Variants in GOLGA5 observed in about 807,000 individuals in gnomAD.
GOLGA5 encodes the protein golgin A5.
Under a neutral mutation model 93.5 loss-of-function variants are expected in GOLGA5, and 50 were observed. The observed-to-expected ratio is 0.53, with a 90% CI of 0.43 to 0.68. GOLGA5 has a LOEUF of 0.68. GOLGA5 is among the 30% of genes least tolerant of loss of function. The probability of loss-of-function intolerance (pLI) is 0.00; values close to 1 mark genes in which losing one functional copy is unlikely to be tolerated. For synonymous variants in GOLGA5, 312 were observed against 304.5 expected, an observed-to-expected ratio of 1.02 and a Z score of -0.26; for missense variants, 760 against 856.4, an observed-to-expected ratio of 0.89 and a Z score of 1.40.
At chr14:92,812,120 C>G (rs748096240) in intron 6 of GOLGA5, among the ~76,000 whole-genome samples, 9 of 152,174 alleles carry the variant, frequency 5.9e-5, no homozygotes, top group African/African-American at 1.7e-4. Context: ...TCTCACCCAG[C>G]TTTTTTTCCC....
chr14:92,809,092 C>G (rs775365291), intron 3 of GOLGA5, among the ~76,000 whole-genome samples: 14 of 152,242 alleles, frequency 9.2e-5, no homozygotes, highest in Non-Finnish European at 1.9e-4. Flanking sequence ...AGCTTCACGC[C>G]CCTTTCTAAT....
chr14:92,815,789 C>T (rs1215946502), intron 6 of GOLGA5, among the ~76,000 whole-genome samples: 2 of 150,394 alleles, frequency 1.3e-5, no homozygotes, highest in Non-Finnish European at 3.0e-5. Flanking sequence ...CTGCAAGCTC[C>T]GCCTCCCGGG....
chr14:92,797,853 A>G lies in GOLGA5; in HGVS notation c.416A>G (p.Glu139Gly). The change falls in exon 2 of 13, where the codon GAA becomes GGA. Residue 139 changes from glutamate to glycine, a missense_variant. Physicochemically the swap from Glu to Gly is moderately conservative, Grantham distance 98 (BLOSUM62 -2). Coordinates refer to ENST00000163416, the MANE Select transcript of GOLGA5 (RefSeq NM_005113.4). ...CAGAAGGAGCCTACCGGGAGGGTGG[A>G]AATCAGAAAGGAAAAAGGCAAGACA... ...SSQKEPTGRV[E>G]IRKEKGKTPV... 1 of 1,614,062 alleles carries G rather than the reference A, an allele frequency of 6.2e-7. No homozygotes were observed. Among genetic ancestry groups the G allele is most frequent in the Non-Finnish European group, 8.5e-7 (1 of 1,179,912 alleles).
rs553333516 is a variant in GOLGA5, at chr14:92,811,563, G to A, written c.1129G>A (p.Ala377Thr). ...SYKQMQSEFAARLNKVEMERQ... is the reference protein window; with the variant it reads ...SYKQMQSEFATRLNKVEMERQ... The stretch of plus-strand genomic sequence containing the variant: ...AAATTTGTCACAGAGCGAGTTTGCT[G>A]CACGCCTTAATAAAGTGGAAATGGA... The change falls in exon 6 of 13, where the codon GCA (alanine) becomes ACA (threonine). Residue 377 changes from alanine (A) to threonine (T), a missense_variant. Transcript: ENST00000163416. 73 of 1,609,088 alleles carry A rather than the reference G, an allele frequency of 4.5e-5. No individual in the cohort carries two copies. In the South Asian group the frequency reaches 7.8e-4, roughly 17 times the overall value.
rs1885723600 is a variant in GOLGA5, at chr14:92,839,890, T to C, written c.*444T>C. 1 of 182,050 alleles carries C rather than the reference T, an allele frequency of 5.5e-6. No individual in the cohort carries two copies. Among genetic ancestry groups the C allele is most frequent in the Non-Finnish European group, 1.2e-5 (1 of 85,468 alleles). 11.3% of individuals were successfully genotyped at this position (182,050 alleles called of 1,614,324 possible). A position where few individuals can be genotyped will look rare whatever the true frequency, so the allele number is the denominator to read the frequency against. On this transcript the variant is annotated 3_prime_UTR_variant, in exon 13 of 13. Coordinates refer to ENST00000163416, the MANE Select transcript of GOLGA5 (RefSeq NM_005113.4). ...GCAAAAAGATTTACTTTGTACATGT[T>C]ACAGGCTTGATTGGTGTAAATCTTT...
At chr14:92,816,741 G>A (rs1448444833) in intron 7 of GOLGA5, among the ~76,000 whole-genome samples, 3 of 152,084 alleles carry the variant, frequency 2.0e-5, no homozygotes, top group Non-Finnish European at 4.4e-5. Context: ...TTTATATTTT[G>A]TAGAGACAGG....
At chr14:92,827,693 A>G (rs1216145207) in intron 9 of GOLGA5, among the ~76,000 whole-genome samples, 1 of 152,260 alleles carries the variant, frequency 6.6e-6, no homozygotes, top group African/African-American at 2.4e-5. Flanking sequence ...AGATAGGCCC[A>G]AAACTAGGCC....
Position 92,823,977 on chromosome 14 carries a change from A to G in GOLGA5, c.1621-569A>G, listed in dbSNP as rs149457715. On this transcript the variant is annotated intron_variant, in intron 8 of 12. Transcript: ENST00000163416. Reference sequence around the variant, plus strand: ...ATCTGTTGTTAAATTTGTTTTTGCTACTATTATTTCTTGGGGCCTTTTTCT... The same window carrying G: ...ATCTGTTGTTAAATTTGTTTTTGCTGCTATTATTTCTTGGGGCCTTTTTCT... Among the ~76,000 whole-genome samples, 337 of 152,064 alleles carry G rather than the reference A, an allele frequency of 2.2e-3. 2 individuals carry two copies. The highest frequency in any genetic ancestry group is 7.7e-3 in the African/African-American group (318 of 41,510).
At chr14:92,804,925 C>T (rs1010147411) in intron 2 of GOLGA5, among the ~76,000 whole-genome samples, 6 of 152,174 alleles carry the variant, frequency 3.9e-5, no homozygotes, top group Admixed American at 1.3e-4. Flanking sequence ...GGATTACAGG[C>T]GTGAGCCACC....
intron 8 of GOLGA5, among the ~76,000 whole-genome samples, chr14:92,823,630 G>A (rs548366750): frequency 6.6e-6 from 1 of 151,754 alleles, no homozygotes; most frequent in South Asian, 2.1e-4. Flanking sequence ...GCTCAGGCTG[G>A]TCTTGAACTC....
Position 92,796,573 on chromosome 14 carries a change from T to C in GOLGA5, c.-30-835T>C, listed in dbSNP as rs563262914. ...CTCATTTTAATTATCCTTTTAGAGATCCTATCTCCAAAAACAGTCACATTC... is the reference window on the plus strand; with the variant it reads ...CTCATTTTAATTATCCTTTTAGAGACCCTATCTCCAAAAACAGTCACATTC... On this transcript the variant is annotated intron_variant, in intron 1 of 12. Transcript: ENST00000163416. Among the ~76,000 whole-genome samples the C allele has an allele frequency of 3.3e-5, 5 of 152,240 alleles. No individual in the cohort carries two copies. In the East Asian group the frequency reaches 9.7e-4, roughly 29 times the overall value.
Position 92,819,704 on chromosome 14 carries a change from TTAGGA to T in GOLGA5, c.1492-1_1495del. ...GCTTTTACATGTAAGCTTTTTCTCT[TTAGGA>T]TATGGAGGCACAGCAAGTTAATGAA... On this transcript the variant is annotated splice_acceptor_variant and splice_polypyrimidine_tract_variant and coding_sequence_variant and intron_variant, in exon 8 of 13. Coordinates refer to ENST00000163416, the MANE Select transcript of GOLGA5 (RefSeq NM_005113.4). LOFTEE classifies it high-confidence loss of function. The T allele has an allele frequency of 6.2e-7, 1 of 1,612,850 alleles. No homozygotes were observed. The highest frequency in any genetic ancestry group is 8.5e-7 in the Non-Finnish European group (1 of 1,179,062).
intron 9 of GOLGA5, among the ~76,000 whole-genome samples, chr14:92,824,989 T>C (rs962258416): frequency 6.6e-6 from 1 of 152,226 alleles, no homozygotes; most frequent in Non-Finnish European, 1.5e-5. Context: ...ATGATACATC[T>C]TCCTATTAAT....
intron 3 of GOLGA5, among the ~76,000 whole-genome samples, chr14:92,807,683 G>A (rs1885018019): frequency 6.6e-6 from 1 of 152,190 alleles, no homozygotes. Context: ...AGTGCCCTTG[G>A]GAATTGTGCA....
At chr14:92,804,345 C>T (rs879747564) in intron 2 of GOLGA5, among the ~76,000 whole-genome samples, 5 of 152,038 alleles carry the variant, frequency 3.3e-5, no homozygotes, top group African/African-American at 7.2e-5. Context: ...GGATTACAGG[C>T]GTGAGCCACC....
intron 10 of GOLGA5, among the ~76,000 whole-genome samples, chr14:92,834,353 C>A (rs866167773): frequency 6.6e-6 from 1 of 151,964 alleles, no homozygotes; most frequent in African/African-American, 2.4e-5. Context: ...CCCTCCTCCC[C>A]CCTCCCCCAG....
intron 12 of GOLGA5, 48 bp from the exon 13 acceptor site, chr14:92,839,318 A>T: frequency 7.9e-7 from 1 of 1,273,614 alleles, no homozygotes; most frequent in Non-Finnish European, 1.1e-6. Flanking sequence ...GGCCTTTGGT[A>T]AAAATTGGTT....
intron 8 of GOLGA5, among the ~76,000 whole-genome samples, chr14:92,822,292 A>AT (rs1476441946): frequency 1.3e-5 from 2 of 152,220 alleles, no homozygotes; most frequent in Non-Finnish European, 1.5e-5. Flanking sequence ...GTGTGCTGCC[A>AT]TATCACCTTT....
chr14:92,818,277 C>T (rs1248699575), intron 7 of GOLGA5, among the ~76,000 whole-genome samples: 1 of 152,106 alleles, frequency 6.6e-6, no homozygotes, highest in Non-Finnish European at 1.5e-5. Context: ...TTACTGAGCA[C>T]GTATGTTCCA....
Sources: gnomAD v4.1 joint callset for allele counts (sites outside exome capture counted in the v4.1 genomes callset) on GRCh38, gnomAD v4.1.1 for gene constraint, MANE v1.5 for transcripts, NCBI Gene and HGNC (gene_info 2026-07-23, HGNC 2026-07-21) for gene names.